Variants in CNBD1 observed in about 807,000 individuals in gnomAD.
CNBD1 encodes the protein cyclic nucleotide-binding domain-containing protein 1.
A neutral mutation model predicts 54.4 loss-of-function variants in CNBD1; 71 were observed. That is an observed-to-expected ratio of 1.30 (90% CI 1.08 to 1.59). The LOEUF is 1.59. Among genes scored for constraint, CNBD1 ranks in the 40% most tolerant of loss-of-function variants. CNBD1 has a pLI of 0.00. For synonymous variants in CNBD1, 182 were observed against 170.7 expected (o/e 1.07, Z -0.51); for missense variants, 659 against 518.0 (o/e 1.27, Z -2.64).
chr8:87,296,549 G>A (rs1009222479), intron 8 of CNBD1, among the ~76,000 whole-genome samples: 3 of 151,980 alleles, frequency 2.0e-5, no homozygotes, highest in Non-Finnish European at 4.4e-5. Context: ...ACATAAAGAA[G>A]CAGGATTGAC....
intron 6 of CNBD1, among the ~76,000 whole-genome samples, chr8:87,274,910 T>C (rs572505340): frequency 7.4e-6 from 1 of 134,910 alleles, no homozygotes; most frequent in African/African-American, 3.0e-5. Flanking sequence ...GTTTTAGGTG[T>C]AACGTTTAAG....
chr8:87,280,940 G>A (rs1808587817), intron 6 of CNBD1, among the ~76,000 whole-genome samples: 1 of 151,574 alleles, frequency 6.6e-6, no homozygotes, highest in African/African-American at 2.4e-5. Flanking sequence ...CCCACCAGAA[G>A]AGGATTATCT....
intron 2 of CNBD1, among the ~76,000 whole-genome samples, chr8:87,409,978 G>C (rs1383315344): frequency 6.6e-6 from 1 of 151,830 alleles, no homozygotes; most frequent in Non-Finnish European, 1.5e-5. Context: ...AGCCGAGATA[G>C]TGCCACTGCA....
chr8:87,200,977 A>G (rs575564563), intron 4 of CNBD1, among the ~76,000 whole-genome samples: 1 of 152,212 alleles, frequency 6.6e-6, no homozygotes, highest in Non-Finnish European at 1.5e-5. Flanking sequence ...GTCCCTTATG[A>G]ATATTGATGC....
At chr8:87,041,011 A>G (rs1023411519) in intron 4 of CNBD1, among the ~76,000 whole-genome samples, 2 of 152,132 alleles carry the variant, frequency 1.3e-5, no homozygotes, top group Admixed American at 1.3e-4. Context: ...AAATATAGAA[A>G]AATGATTATA....
intron 4 of CNBD1, among the ~76,000 whole-genome samples, chr8:87,050,194 C>T (rs1404016930): frequency 2.0e-5 from 3 of 152,118 alleles, no homozygotes; most frequent in Non-Finnish European, 4.4e-5. Context: ...CTGCAAAGGC[C>T]TGTAGTACCC....
At chr8:87,058,719 G>A (rs1485008930) in intron 4 of CNBD1, among the ~76,000 whole-genome samples, 3 of 152,158 alleles carry the variant, frequency 2.0e-5, no homozygotes, top group Non-Finnish European at 4.4e-5. Context: ...GCACGCAGTA[G>A]GAAGGCCCTG....
At position 87,358,586 on chromosome 8, in the gene CNBD1, G is replaced by GAT. The variant is rs111387763; in HGVS notation, c.1303+4808_1303+4809dup. 3.9e-3 allele frequency among the ~76,000 whole-genome samples: 591 copies of GAT among 152,096 alleles called. 8 individuals carry two copies. Among genetic ancestry groups the GAT allele is most frequent in the African/African-American group, 0.013 (557 of 41,506 alleles). On this transcript the variant is annotated intron_variant, in intron 10 of 10. Transcript: ENST00000518476. ...TCTTCAAAAAAAACAGAACCAATAG[G>GAT]ATATATATAAATATACAAGAGGCGA...
chr8:87,266,569 A>T (rs2130854067), intron 6 of CNBD1, among the ~76,000 whole-genome samples: 1 of 139,682 alleles, frequency 7.2e-6, no homozygotes, highest in African/African-American at 2.7e-5. Flanking sequence ...CTCCTGCTTC[A>T]GCCTCCCAAG....
intron 4 of CNBD1, among the ~76,000 whole-genome samples, chr8:86,988,769 T>C (rs1199117276): frequency 1.3e-5 from 2 of 152,124 alleles, no homozygotes; most frequent in Non-Finnish European, 2.9e-5. Context: ...AGTGAGAACA[T>C]GTGAAGTTTG....
intron 5 of CNBD1, among the ~76,000 whole-genome samples, chr8:87,216,396 G>A (rs768896739): frequency 9.2e-5 from 14 of 151,938 alleles, no homozygotes; most frequent in Non-Finnish European, 1.6e-4. Flanking sequence ...TATCATACAC[G>A]TACACTACAC....
At chr8:87,321,536 G>A (rs910070729) in intron 8 of CNBD1, among the ~76,000 whole-genome samples, 3 of 151,958 alleles carry the variant, frequency 2.0e-5, no homozygotes, top group Non-Finnish European at 2.9e-5. Context: ...TTTTTAAAGG[G>A]TTTTTTGATT....
At chr8:87,351,980 T>C (rs531247621) in intron 9 of CNBD1, among the ~76,000 whole-genome samples, 186 bp downstream of exon 9, 1 of 152,306 alleles carries the variant, frequency 6.6e-6, no homozygotes, top group Admixed American at 6.5e-5. Context: ...TTGTAAGATA[T>C]ATTGATTTGT....
At chr8:86,946,775 CA>C (rs1807479672) in intron 4 of CNBD1, among the ~76,000 whole-genome samples, 1 of 152,106 alleles carries the variant, frequency 6.6e-6, no homozygotes, top group Non-Finnish European at 1.5e-5. Context: ...TGAACTATCA[CA>C]AAAATCCATG....
chr8:87,154,202 G>C (rs1400119095), intron 4 of CNBD1, among the ~76,000 whole-genome samples: 1 of 152,046 alleles, frequency 6.6e-6, no homozygotes, highest in Non-Finnish European at 1.5e-5. Flanking sequence ...TCTCCAATTT[G>C]GTGTAATAGA....
intron 10 of CNBD1, among the ~76,000 whole-genome samples, chr8:87,373,298 T>C (rs535428788): frequency 6.6e-6 from 1 of 151,948 alleles, no homozygotes; most frequent in African/African-American, 2.4e-5. Flanking sequence ...ATTAGTTTAA[T>C]GGTGAAGCCA....
At chr8:87,427,932 C>T (rs529446122) in intron 2 of CNBD1, among the ~76,000 whole-genome samples, 2 of 152,218 alleles carry the variant, frequency 1.3e-5, no homozygotes, top group East Asian at 1.9e-4. Context: ...CAGACCTTCA[C>T]CAAAGCCCCC....
intron 10 of CNBD1, among the ~76,000 whole-genome samples, chr8:87,362,738 C>T (rs751552373): frequency 6.6e-6 from 1 of 152,048 alleles, no homozygotes; most frequent in Non-Finnish European, 1.5e-5. Context: ...CCACGCTTAA[C>T]ATTAAATTTA....
chr8:87,392,310 C>A (rs1168039948), intron 2 of CNBD1, among the ~76,000 whole-genome samples: 1 of 151,952 alleles, frequency 6.6e-6, no homozygotes, highest in African/African-American at 2.4e-5. Flanking sequence ...AGGTCTATAT[C>A]CAAGAGAAGT....
Sources: allele counts gnomAD v4.1 joint callset (sites outside exome capture counted in the v4.1 genomes callset), GRCh38; gene constraint gnomAD v4.1.1; transcripts MANE v1.5; gene names NCBI Gene and HGNC (gene_info 2026-07-23, HGNC 2026-07-21).